Variants in PPFIBP1 observed in about 807,000 individuals in gnomAD.
PPFIBP1 encodes the protein PPFIB scaffold protein 1.
In PPFIBP1, 112 loss-of-function variants were observed where a neutral mutation model predicts 137.8. The ratio of observed to expected loss-of-function variants is 0.81; its 90% CI spans 0.70 to 0.95. The LOEUF (loss-of-function observed/expected upper bound fraction) is 0.95, where lower values mean the gene tolerates loss of function less well. Among genes scored for constraint, PPFIBP1 ranks in the 40% least tolerant of loss-of-function variants. The pLI, the probability that PPFIBP1 is intolerant of heterozygous loss-of-function variation, is 0.00. For synonymous variants in PPFIBP1, 378 were observed against 417.3 expected (o/e 0.91, Z 1.15); for missense variants, 1,083 against 1,196.6 (o/e 0.91, Z 1.40).
intron 4 of PPFIBP1, among the ~76,000 whole-genome samples, chr12:27,638,491 G>C (rs10842961): frequency 0.59 from 88,962 of 151,592 alleles, 26,608 homozygotes; most frequent in Admixed American, 0.65. Context: ...CTGAAGCTCT[G>C]TGTCTTGGTT....
At chr12:27,671,383 T>C in intron 13 of PPFIBP1, 48 bp from the exon 14 acceptor site, 1 of 1,048,286 alleles carries the variant, frequency 9.5e-7, no homozygotes, top group Admixed American at 2.4e-5. Context: ...CTCTGTGGCT[T>C]GTGTTTTGTT....
intron 24 of PPFIBP1, among the ~76,000 whole-genome samples, chr12:27,685,213 G>A (rs1019118575): frequency 3.4e-5 from 5 of 148,592 alleles, no homozygotes; most frequent in African/African-American, 1.3e-4. Context: ...GATACATAGA[G>A]TATGTATATA....
At chr12:27,643,194 T>C (rs891812932) in intron 4 of PPFIBP1, among the ~76,000 whole-genome samples, 5 of 142,300 alleles carry the variant, frequency 3.5e-5, no homozygotes, top group African/African-American at 8.0e-5. Context: ...AGAGGACACA[T>C]AAATAAAGAC....
At chr12:27,572,079 G>GC (rs1325045281) in intron 1 of PPFIBP1, among the ~76,000 whole-genome samples, 1 of 151,992 alleles carries the variant, frequency 6.6e-6, no homozygotes, top group Non-Finnish European at 1.5e-5. Flanking sequence ...TAAAGTTCTT[G>GC]CCCCCAACTG....
chr12:27,677,033 G>A (rs1196494680), intron 18 of PPFIBP1, 31 bp from the exon 19 acceptor site: 3 of 1,614,192 alleles, frequency 1.9e-6, no homozygotes, highest in Non-Finnish European at 1.7e-6. Context: ...TGGGCTGCGT[G>A]TGATTGTGTG....
chr12:27,603,833 G>A (rs1453711827), intron 2 of PPFIBP1, among the ~76,000 whole-genome samples: 3 of 152,164 alleles, frequency 2.0e-5, no homozygotes, highest in Admixed American at 1.3e-4. Flanking sequence ...AGAGCCAACA[G>A]TTGTTCTTCT....
At chr12:27,646,185 A>G (rs1217178711) in intron 5 of PPFIBP1, 37 bp downstream of exon 5, 1 of 1,504,254 alleles carries the variant, frequency 6.6e-7, no homozygotes, top group East Asian at 2.3e-5. Context: ...TCCTTGCAGC[A>G]TACTTACAAA....
chr12:27,658,169 C>G (rs1268227385), intron 9 of PPFIBP1, among the ~76,000 whole-genome samples: 1 of 149,652 alleles, frequency 6.7e-6, no homozygotes, highest in African/African-American at 2.5e-5. Context: ...AATAAAATGG[C>G]ATCACAGGAC....
intron 1 of PPFIBP1, among the ~76,000 whole-genome samples, chr12:27,539,127 C>T (rs1223188155): frequency 6.6e-6 from 1 of 152,192 alleles, no homozygotes; most frequent in African/African-American, 2.4e-5. Context: ...ATAATGACTG[C>T]AAAGAGTTTG....
chr12:27,666,134 A>G (rs1190843708), intron 12 of PPFIBP1, among the ~76,000 whole-genome samples: 1 of 152,232 alleles, frequency 6.6e-6, no homozygotes, highest in East Asian at 1.9e-4. Context: ...AATCACTCGT[A>G]ATTGCACTGG....
chr12:27,658,496 A>G (rs187663596), intron 9 of PPFIBP1, among the ~76,000 whole-genome samples: 1 of 152,170 alleles, frequency 6.6e-6, no homozygotes, highest in Non-Finnish European at 1.5e-5. Flanking sequence ...ACAAAGTGAC[A>G]CTAACTAGGT....
At chr12:27,539,900 G>A (rs1945464013) in intron 1 of PPFIBP1, among the ~76,000 whole-genome samples, 1 of 152,032 alleles carries the variant, frequency 6.6e-6, no homozygotes, top group Admixed American at 6.5e-5. Context: ...TTCTGCGTAT[G>A]TAATTTTGTG....
Position 27,672,420 on chromosome 12 carries a change from A to G in PPFIBP1, c.1263-7A>G. 1.9e-6 allele frequency: 3 copies of G among 1,602,064 alleles called. No individual in the cohort carries two copies. The South Asian group carries it at 3.3e-5, about 18-fold the overall frequency. On this transcript the variant is annotated splice_region_variant and splice_polypyrimidine_tract_variant and intron_variant, in intron 14 of 29. Coordinates refer to ENST00000228425, the MANE Select transcript of PPFIBP1 (RefSeq NM_003622.4). ...TTAATAAATACCTTTTGTTCTTTAC[A>G]TTTTAGTGATGGAAACATAATCCTT...
At position 27,618,665 on chromosome 12, in the gene PPFIBP1, T is replaced by C. The variant is rs139555397; in HGVS notation, c.-35-14697T>C. Among the ~76,000 whole-genome samples the C allele has an allele frequency of 1.6e-3, 238 of 152,334 alleles. 1 individual carries two copies. The East Asian group carries it at 0.03, about 19-fold the overall frequency. On this transcript the variant is annotated intron_variant, in intron 2 of 29. Transcript: ENST00000228425. ...CCAATGTAGATCTTACATGTATCAA[T>C]TGATGCCTCACGTCTCCCTAAAATG...
rs142895865 is a variant in PPFIBP1 at position 27,608,568 on chromosome 12, T to C, written c.-35-24794T>C. ...CCAGCGAATGATTTCACCTCTTAAG[T>C]AAAAGCATTTACCCTTAAAAAATGG... On this transcript the variant is annotated intron_variant, in intron 2 of 29. Coordinates refer to ENST00000228425, the MANE Select transcript of PPFIBP1 (RefSeq NM_003622.4). Among the ~76,000 whole-genome samples the C allele has an allele frequency of 2.0e-5, 3 of 152,350 alleles. No individual in the cohort carries two copies. The East Asian group carries it at 5.8e-4, about 29-fold the overall frequency.
chr12:27,654,741 A>G lies in PPFIBP1; in HGVS notation c.623A>G (p.Asn208Ser), dbSNP rs202028953. The G allele has an allele frequency of 1.2e-5, 19 of 1,611,352 alleles. No homozygotes were observed. Among genetic ancestry groups the G allele is most frequent in the Non-Finnish European group, 1.5e-5 (18 of 1,179,516 alleles). Residue 208 changes from asparagine to serine, a missense_variant, in exon 8 of 30, where the codon AAT (asparagine) becomes AGT (serine). Transcript: ENST00000228425. Reference protein sequence around the residue: ...RDTEGLIQEINDLRLKVSEMD... With the variant: ...RDTEGLIQEISDLRLKVSEMD... ...GGACAGGGGCTGATTCAGGAGATCA[A>G]TGATTTGAGGTTAAAAGTTAGTGAA...
chr12:27,589,649 TA>T (rs1167525587), intron 2 of PPFIBP1, among the ~76,000 whole-genome samples: 1 of 152,222 alleles, frequency 6.6e-6, no homozygotes, highest in African/African-American at 2.4e-5. Flanking sequence ...CACTGATGAA[TA>T]AACACAAGTA....
intron 3 of PPFIBP1, among the ~76,000 whole-genome samples, chr12:27,634,332 G>A (rs186366339): frequency 3.3e-5 from 5 of 151,910 alleles, no homozygotes; most frequent in Non-Finnish European, 7.4e-5. Context: ...TAGCTCGTTC[G>A]CATGTGTTTA....
intron 2 of PPFIBP1, among the ~76,000 whole-genome samples, chr12:27,620,925 T>C (rs1232334816): frequency 6.6e-6 from 1 of 152,240 alleles, no homozygotes; most frequent in Non-Finnish European, 1.5e-5. Flanking sequence ...CGTTACAATG[T>C]ATGCGCCATC....
Sources: gnomAD v4.1 joint callset for allele counts (sites outside exome capture counted in the v4.1 genomes callset) on GRCh38, gnomAD v4.1.1 for gene constraint, MANE v1.5 for transcripts, NCBI Gene and HGNC (gene_info 2026-07-23, HGNC 2026-07-21) for gene names.